Variants in DIS3L2 observed in about 807,000 individuals in gnomAD.
DIS3L2 encodes the protein DIS3-like exonuclease 2.
DIS3L2 carries 34 observed loss-of-function variants against 97.5 expected under a neutral mutation model. The ratio of observed to expected loss-of-function variants is 0.35; its 90% CI spans 0.27 to 0.46. DIS3L2 has a LOEUF of 0.46. DIS3L2 is among the 20% of genes least tolerant of loss of function. DIS3L2 has a pLI of 1.00. For missense variants in DIS3L2, 1,038 were observed against 1,146.0 expected (o/e 0.91, Z 1.36); for synonymous variants, 435 against 445.2 (o/e 0.98, Z 0.29).
intron 14 of DIS3L2, among the ~76,000 whole-genome samples, chr2:232,324,520 G>A (rs1695522537): frequency 6.6e-6 from 1 of 152,062 alleles, no homozygotes; most frequent in African/African-American, 2.4e-5. Flanking sequence ...CCCGGCTCCC[G>A]CTCATTTCCA....
chr2:232,195,055 A>G (rs1691715982), intron 9 of DIS3L2, among the ~76,000 whole-genome samples: 1 of 152,198 alleles, frequency 6.6e-6, no homozygotes, highest in South Asian at 2.1e-4. Context: ...ACTATAGAAC[A>G]AGCTCTGAAT....
chr2:232,021,853 C>G (rs970015324), intron 3 of DIS3L2, among the ~76,000 whole-genome samples: 2 of 152,134 alleles, frequency 1.3e-5, no homozygotes, highest in African/African-American at 4.8e-5. Flanking sequence ...AATAGACTCC[C>G]TCTGAGAGCA....
intron 14 of DIS3L2, among the ~76,000 whole-genome samples, chr2:232,320,738 A>G (rs1442906122): frequency 6.6e-6 from 1 of 152,172 alleles, no homozygotes; most frequent in Non-Finnish European, 1.5e-5. Context: ...CAAGCAAGTC[A>G]TGTCTCTGAA....
chr2:232,181,146 C>G (rs1346556218), intron 9 of DIS3L2, among the ~76,000 whole-genome samples: 4 of 143,724 alleles, frequency 2.8e-5, no homozygotes, highest in East Asian at 2.1e-4. Context: ...GGCCCCCACT[C>G]TCTTCTGGCT....
In DIS3L2 at chr2:232,333,146, A is replaced by G. The variant is rs1272798141; in HGVS notation, c.2011-694A>G. On this transcript the variant is annotated intron_variant, in intron 16 of 20. Transcript: ENST00000325385. ...TCGACCACCACCACCTCCTCCTTCC[A>G]CCACCTCCTCCTTCTCCTCCTCCGC... Among the ~76,000 whole-genome samples, 5 of 105,252 alleles carry G rather than the reference A, an allele frequency of 4.8e-5. 1 individual carries two copies. The highest frequency in any genetic ancestry group is 1.4e-4 in the African/African-American group (4 of 28,360). 69.0% of individuals were successfully genotyped at this position (105,252 alleles called of 152,430 possible).
intron 1 of DIS3L2, among the ~76,000 whole-genome samples, chr2:231,963,875 C>T (rs1217937145): frequency 2.6e-5 from 4 of 152,068 alleles, no homozygotes; most frequent in South Asian, 4.1e-4. Context: ...CGCACTACCA[C>T]GTTCGGCTAA....
At chr2:232,255,227 C>T (rs1300147615) in intron 12 of DIS3L2, among the ~76,000 whole-genome samples, 1 of 152,198 alleles carries the variant, frequency 6.6e-6, no homozygotes, top group African/African-American at 2.4e-5. Flanking sequence ...AGAGGAGGAT[C>T]TCCGAAGCCT....
intron 13 of DIS3L2, among the ~76,000 whole-genome samples, chr2:232,265,326 A>G (rs774323274): frequency 2.0e-5 from 3 of 152,134 alleles, no homozygotes; most frequent in Non-Finnish European, 4.4e-5. Context: ...TTCTGTATCC[A>G]TACTCCCACC....
chr2:231,999,454 TTCTC>T (rs1693819549), intron 1 of DIS3L2, among the ~76,000 whole-genome samples: 1 of 152,246 alleles, frequency 6.6e-6, no homozygotes, highest in Non-Finnish European at 1.5e-5. Context: ...GCATCCGTAT[TTCTC>T]TATTTATTAT....
In DIS3L2 at chr2:232,024,296, C is replaced by A; in HGVS notation, c.230C>A (p.Pro77Gln). The A allele has an allele frequency of 6.2e-7, 1 of 1,602,774 alleles. No individual in the cohort carries two copies. The highest frequency in any genetic ancestry group is 8.5e-7 in the Non-Finnish European group (1 of 1,175,266). ...TLIQGVLRIN[P>Q]KKFHEAFIPS... ...TTAAAGGGTGTATTGAGAATTAATC[C>A]AAAGAAGTTTCATGAAGCCTTCATT... Residue 77 changes from proline to glutamine, a missense_variant, in exon 4 of 21, where the codon CCA becomes CAA. By Grantham distance (76) the Pro-to-Gln change is moderately conservative. Around this residue, in one of 3 missense-constraint regions of DIS3L2, gnomAD observed 813 missense variants for 880.1 expected, o/e 0.92. Transcript: ENST00000325385.
intron 14 of DIS3L2, chr2:232,328,934 C>G (rs1695652733): frequency 6.6e-6 from 1 of 152,316 alleles, no homozygotes; most frequent in African/African-American, 2.4e-5. Context: ...GTGCTGACCT[C>G]AGTGCTGTGT....
intron 1 of DIS3L2, among the ~76,000 whole-genome samples, chr2:231,966,906 G>T (rs1692736986): frequency 6.6e-6 from 1 of 152,038 alleles, no homozygotes; most frequent in South Asian, 2.1e-4. Context: ...CGTATAGAAG[G>T]TATTTTATTT....
chr2:232,209,022 C>A (rs1023345378), intron 9 of DIS3L2, among the ~76,000 whole-genome samples: 1 of 152,106 alleles, frequency 6.6e-6, no homozygotes, highest in African/African-American at 2.4e-5. Flanking sequence ...TTTGACATTT[C>A]TGAAATTCTG....
chr2:232,098,741 C>T (rs939977455), intron 6 of DIS3L2, among the ~76,000 whole-genome samples: 4 of 152,110 alleles, frequency 2.6e-5, no homozygotes. Flanking sequence ...GGTGACTGTT[C>T]TCTTGTTGAT....
intron 1 of DIS3L2, among the ~76,000 whole-genome samples, chr2:231,981,598 T>TTATATATTTATATATATA (rs1693258496): frequency 1.2e-5 from 1 of 84,070 alleles, no homozygotes; most frequent in Non-Finnish European, 2.3e-5. Flanking sequence ...GTTAAGTATT[T>TTATATATTTATATATATA]TATATATATA....
intron 1 of DIS3L2, among the ~76,000 whole-genome samples, chr2:231,971,839 C>T (rs1692924704): frequency 6.6e-6 from 1 of 151,424 alleles, no homozygotes; most frequent in African/African-American, 2.4e-5. Context: ...CCTCCGCCTC[C>T]CAAAGTGCTG....
intron 10 of DIS3L2, among the ~76,000 whole-genome samples, chr2:232,236,657 A>G (rs369481383): frequency 3.3e-5 from 5 of 152,198 alleles, no homozygotes; most frequent in Admixed American, 6.5e-5. Context: ...AACAAGTTGT[A>G]TTGTTCAACT....
At chr2:232,129,671 T>C (rs1698164312) in intron 6 of DIS3L2, among the ~76,000 whole-genome samples, 1 of 152,210 alleles carries the variant, frequency 6.6e-6, no homozygotes, top group Non-Finnish European at 1.5e-5. Context: ...ATGGTAAAAG[T>C]TGGCTTTAAG....
intron 1 of DIS3L2, among the ~76,000 whole-genome samples, chr2:232,006,391 A>C (rs1694054204): frequency 6.6e-6 from 1 of 152,200 alleles, no homozygotes; most frequent in Admixed American, 6.5e-5. Context: ...CTTAGGACTC[A>C]TTTTGAAGGT....
Sources: allele counts gnomAD v4.1 joint callset (sites outside exome capture counted in the v4.1 genomes callset), GRCh38; gene constraint gnomAD v4.1.1; regional missense constraint gnomAD v4.1.1; transcripts MANE v1.5; gene names NCBI Gene and HGNC (gene_info 2026-07-23, HGNC 2026-07-21).